Variants in SLC4A4 observed in about 807,000 individuals in gnomAD.
SLC4A4 encodes electrogenic sodium bicarbonate cotransporter 1.
SLC4A4 carries 27 observed loss-of-function variants against 111.5 expected under a neutral mutation model. The observed-to-expected ratio is 0.24, with a 90% confidence interval of 0.18 to 0.33. The LOEUF is 0.33. SLC4A4 is among the 10% of genes least tolerant of loss of function. SLC4A4 has a pLI of 1.00. For synonymous variants in SLC4A4, 443 were observed against 463.4 expected (o/e 0.96, Z 0.57); for missense variants, 909 against 1,315.5 (o/e 0.69, Z 4.78).
intron 5 of SLC4A4, among the ~76,000 whole-genome samples, chr4:71,356,160 G>A (rs943059029): frequency 2.6e-5 from 4 of 152,204 alleles, no homozygotes; most frequent in African/African-American, 9.6e-5. Context: ...CTGCTGACAT[G>A]CTGACTTGTG....
At chr4:71,167,733 C>A (rs1325928475) in intron 2 of SLC4A4, among the ~76,000 whole-genome samples, 3 of 152,124 alleles carry the variant, frequency 2.0e-5, no homozygotes, top group Admixed American at 2.0e-4. Context: ...TTTTTGTCTT[C>A]CCCACTGTTG....
intron 2 of SLC4A4, among the ~76,000 whole-genome samples, chr4:71,244,616 A>G (rs1720497006): frequency 1.3e-5 from 2 of 152,146 alleles, no homozygotes; most frequent in African/African-American, 4.8e-5. Flanking sequence ...TGTTGTATGT[A>G]ATTTATCTTT....
At chr4:71,167,204 C>T (rs1422690601) in intron 2 of SLC4A4, among the ~76,000 whole-genome samples, 1 of 152,136 alleles carries the variant, frequency 6.6e-6, no homozygotes, top group Admixed American at 6.6e-5. Context: ...ACTAGAGCTG[C>T]TAACCAGACT....
intron 2 of SLC4A4, among the ~76,000 whole-genome samples, chr4:71,109,489 G>A (rs1439589698): frequency 6.6e-6 from 1 of 152,048 alleles, no homozygotes; most frequent in African/African-American, 2.4e-5. Flanking sequence ...ATCAACGATT[G>A]GAGCTCAGGT....
chr4:71,175,613 T>A (rs1479259089), intron 2 of SLC4A4, among the ~76,000 whole-genome samples: 1 of 152,160 alleles, frequency 6.6e-6, no homozygotes, highest in East Asian at 1.9e-4. Flanking sequence ...AACTGCAAGG[T>A]GGCAGCGAGG....
At chr4:71,139,179 TTGTGTG>T (rs57359640) in intron 2 of SLC4A4, among the ~76,000 whole-genome samples, 89,271 of 144,372 alleles carry the variant, frequency 0.62, 30,609 homozygotes, top group Admixed American at 0.78. Flanking sequence ...TCCCTTTTCT[TTGTGTG>T]TGTGTGTGTG....
At chr4:71,131,460 T>C (rs952824121) in intron 2 of SLC4A4, among the ~76,000 whole-genome samples, 2 of 152,188 alleles carry the variant, frequency 1.3e-5, no homozygotes, top group South Asian at 4.1e-4. Context: ...GGGTTTATGA[T>C]GCCTTTTCAT....
chr4:71,446,448 C>T (rs1366207041), intron 8 of SLC4A4, among the ~76,000 whole-genome samples: 1 of 152,126 alleles, frequency 6.6e-6, no homozygotes, highest in Non-Finnish European at 1.5e-5. Context: ...TCTGTTAAAT[C>T]ACAACCTTGG....
intron 2 of SLC4A4, among the ~76,000 whole-genome samples, chr4:71,159,972 A>T (rs1236399438): frequency 6.6e-6 from 1 of 152,178 alleles, no homozygotes; most frequent in Non-Finnish European, 1.5e-5. Context: ...AAAGATGTGT[A>T]TTTCTGCAAT....
chr4:71,096,681 A>T (rs1046343256), intron 2 of SLC4A4, among the ~76,000 whole-genome samples: 2 of 152,188 alleles, frequency 1.3e-5, no homozygotes, highest in African/African-American at 4.8e-5. Flanking sequence ...ACACTGTGGA[A>T]TTTATATTTA....
At chr4:71,265,107 C>G (rs1012652376) in intron 3 of SLC4A4, among the ~76,000 whole-genome samples, 1 of 152,148 alleles carries the variant, frequency 6.6e-6, no homozygotes, top group Non-Finnish European at 1.5e-5. Context: ...TTTTATGATT[C>G]TTTCTGACAT....
At chr4:71,123,265 C>A (rs994311666) in intron 2 of SLC4A4, among the ~76,000 whole-genome samples, 1 of 152,036 alleles carries the variant, frequency 6.6e-6, no homozygotes, top group Non-Finnish European at 1.5e-5. Context: ...AAAAGGGCAC[C>A]TTGAATGCTT....
chr4:71,333,290 GT>G (rs1215128494), intron 3 of SLC4A4, among the ~76,000 whole-genome samples: 1 of 152,214 alleles, frequency 6.6e-6, no homozygotes, highest in East Asian at 1.9e-4. Flanking sequence ...AGACTTGCAG[GT>G]TTACCACCTT....
At chr4:71,248,797 A>G (rs1720860076) in intron 2 of SLC4A4, among the ~76,000 whole-genome samples, 1 of 152,212 alleles carries the variant, frequency 6.6e-6, no homozygotes, top group Non-Finnish European at 1.5e-5. Context: ...CTTCAAAGGA[A>G]GCTTAACTTC....
At position 71,419,526 on chromosome 4, in the gene SLC4A4, C is replaced by G. The variant is rs543135243; in HGVS notation, c.808-21090C>G. Among the ~76,000 whole-genome samples, 7 of 152,300 alleles carry G rather than the reference C, an allele frequency of 4.6e-5. No individual in the cohort carries two copies. In the South Asian group the frequency reaches 1.5e-3, roughly 32 times the overall value. On this transcript the variant is annotated intron_variant, in intron 7 of 25. Transcript: ENST00000264485. ...GGTGCGGGATATAATCTCCTGGTGCCCCGTTTTTTAAGCCTGTCGGAAAAG... is the reference window on the plus strand; with the variant it reads ...GGTGCGGGATATAATCTCCTGGTGCGCCGTTTTTTAAGCCTGTCGGAAAAG...
rs2149106333 is a variant in SLC4A4 at position 71,471,338 on chromosome 4, A to G, written c.1632-1361A>G. Among the ~76,000 whole-genome samples, 2 of 152,086 alleles carry G rather than the reference A, an allele frequency of 1.3e-5. 1 individual carries two copies. The highest frequency in any genetic ancestry group is 4.1e-4 in the South Asian group (2 of 4,826). ...TAAGCTAGGGTGTCTGACTTTCATTAAAAGGGATAATTTTGGCTGTGGTGT... is the reference window on the plus strand; with the variant it reads ...TAAGCTAGGGTGTCTGACTTTCATTGAAAGGGATAATTTTGGCTGTGGTGT... On this transcript the variant is annotated intron_variant, in intron 13 of 25. Coordinates refer to ENST00000264485, the MANE Select transcript of SLC4A4 (RefSeq NM_001098484.3).
intron 18 of SLC4A4, among the ~76,000 whole-genome samples, chr4:71,543,161 G>A (rs551939219): frequency 9.1e-4 from 138 of 152,186 alleles, no homozygotes; most frequent in South Asian, 3.8e-3. Flanking sequence ...GCAAGAATTA[G>A]CTAAATGAGG....
chr4:71,543,310 G>T (rs1049032968), intron 18 of SLC4A4, among the ~76,000 whole-genome samples: 1 of 152,220 alleles, frequency 6.6e-6, no homozygotes, highest in East Asian at 1.9e-4. Flanking sequence ...TGGAGAAGAG[G>T]TAGAGGCAGA....
At chr4:71,505,441 T>C (rs1237957556) in intron 16 of SLC4A4, among the ~76,000 whole-genome samples, 4 of 151,986 alleles carry the variant, frequency 2.6e-5, no homozygotes, top group African/African-American at 7.2e-5. Flanking sequence ...ATTTCTGTAA[T>C]GATTAGTAAT....
Sources: allele counts gnomAD v4.1 joint callset (sites outside exome capture counted in the v4.1 genomes callset), GRCh38; gene constraint gnomAD v4.1.1; transcripts MANE v1.5; gene names NCBI Gene and HGNC (gene_info 2026-07-23, HGNC 2026-07-21).